The following CCDC7 variants were observed in gnomAD, a reference collection of about 807,000 sequenced individuals.
CCDC7 encodes coiled-coil domain containing 7.
CCDC7 carries 183 observed loss-of-function variants against 196.9 expected under a neutral mutation model. The ratio of observed to expected loss-of-function variants is 0.93; its 90% CI spans 0.82 to 1.05. The LOEUF is 1.05. Ranked by LOEUF, CCDC7 falls within the 50% of genes least tolerant of loss-of-function variation. The pLI is 0.00. For synonymous variants in CCDC7, 525 were observed against 484.6 expected, an observed-to-expected ratio of 1.08 and a Z score of -1.10; for missense variants, 1,540 against 1,482.2, an observed-to-expected ratio of 1.04 and a Z score of -0.64.
At chr10:32,640,898 A>G (rs1357613586) in intron 20 of CCDC7, among the ~76,000 whole-genome samples, 1 of 98,078 alleles carries the variant, frequency 1.0e-5, no homozygotes, top group African/African-American at 3.4e-5. Flanking sequence ...ATTATACTCT[A>G]AGTTTTAGGG....
At chr10:32,823,562 A>C (rs2090617074) in intron 31 of CCDC7, among the ~76,000 whole-genome samples, 1 of 152,180 alleles carries the variant, frequency 6.6e-6, no homozygotes, top group South Asian at 2.1e-4. Flanking sequence ...GGGCTCAGCC[A>C]ATTTTCCAAA....
intron 8 of CCDC7, among the ~76,000 whole-genome samples, chr10:32,482,708 C>A (rs188772816): frequency 1.0e-4 from 15 of 150,312 alleles, no homozygotes; most frequent in Admixed American, 2.7e-4. Context: ...TCCATGTGTT[C>A]TCATTGTTCA....
At chr10:32,461,737 A>ATATATATATATATATGTG in intron 3 of CCDC7, among the ~76,000 whole-genome samples, 1 of 69,488 alleles carries the variant, frequency 1.4e-5, no homozygotes, top group African/African-American at 5.9e-5. Flanking sequence ...ATATGTATAT[A>ATATATATATATATATGTG]TATATATATA....
intron 13 of CCDC7, among the ~76,000 whole-genome samples, chr10:32,562,197 T>G (rs2055827474): frequency 6.6e-6 from 1 of 152,140 alleles, no homozygotes; most frequent in Admixed American, 6.5e-5. Context: ...ACCAGATGGA[T>G]TCACAGCCGA....
intron 28 of CCDC7, among the ~76,000 whole-genome samples, chr10:32,752,782 T>C (rs1285516871): frequency 6.6e-6 from 1 of 152,182 alleles, no homozygotes; most frequent in Non-Finnish European, 1.5e-5. Context: ...AGTATTTCAA[T>C]GTCTAGATTT....
chr10:32,572,164 A>G (rs1335106416), intron 16 of CCDC7, among the ~76,000 whole-genome samples: 2 of 152,290 alleles, frequency 1.3e-5, no homozygotes, highest in East Asian at 1.9e-4. Context: ...AAATTTCCAG[A>G]TAGTGAGGAA....
At chr10:32,848,470 G>A in intron 38 of CCDC7, 126 bp from the exon 40 acceptor site, 1 of 655,346 alleles carries the variant, frequency 1.5e-6, no homozygotes, top group Non-Finnish European at 2.6e-6. Flanking sequence ...TAAACAAGTG[G>A]CCATTTAATA....
intron 18 of CCDC7, among the ~76,000 whole-genome samples, chr10:32,609,775 A>AT (rs1185523086): frequency 6.6e-6 from 1 of 152,102 alleles, no homozygotes; most frequent in Non-Finnish European, 1.5e-5. Context: ...AGATCTGGTT[A>AT]TTTAAAAGTG....
intron 28 of CCDC7, among the ~76,000 whole-genome samples, chr10:32,741,273 T>G (rs1043028217): frequency 1.3e-5 from 2 of 152,234 alleles, no homozygotes; most frequent in East Asian, 3.8e-4. Context: ...TTATTAAAAC[T>G]CAATCTCAAA....
intron 18 of CCDC7, among the ~76,000 whole-genome samples, chr10:32,590,223 T>C (rs911469839): frequency 1.3e-5 from 2 of 152,090 alleles, no homozygotes; most frequent in Admixed American, 1.3e-4. Flanking sequence ...TTTTTGTGTG[T>C]CCATTGTATA....
chr10:32,818,581 G>T (rs547282996), intron 31 of CCDC7, among the ~76,000 whole-genome samples: 2 of 152,216 alleles, frequency 1.3e-5, no homozygotes, highest in African/African-American at 2.4e-5. Flanking sequence ...TGACCACATA[G>T]TTGGAAGTAA....
intron 21 of CCDC7, among the ~76,000 whole-genome samples, chr10:32,669,115 TG>T (rs1470076750): frequency 5.3e-5 from 8 of 152,138 alleles, no homozygotes; most frequent in African/African-American, 1.9e-4. Flanking sequence ...TGAAATGATT[TG>T]GAATTTTACT....
intron 32 of CCDC7, among the ~76,000 whole-genome samples, chr10:32,828,447 GAA>G (rs2091521250): frequency 1.2e-5 from 1 of 81,572 alleles, no homozygotes; most frequent in Admixed American, 1.3e-4. Context: ...AGGAGAAGAA[GAA>G]GAAGAAGAAG....
At chr10:32,451,671 C>A in exon 1 of CCDC7, 1 of 1,610,638 alleles carries the variant, frequency 6.2e-7, no homozygotes, top group Non-Finnish European at 8.5e-7. Flanking sequence ...CTGTTGACCA[C>A]CAGTAACAAA....
chr10:32,647,532 AC>A (rs2067996843), intron 20 of CCDC7, among the ~76,000 whole-genome samples: 1 of 75,252 alleles, frequency 1.3e-5, no homozygotes. Context: ...AGCCATTCTG[AC>A]TGGTGTGAGA....
chr10:32,586,998 T>A (rs1461963689), intron 18 of CCDC7, among the ~76,000 whole-genome samples: 1 of 152,230 alleles, frequency 6.6e-6, no homozygotes, highest in Admixed American at 6.5e-5. Flanking sequence ...AAAGACGTTT[T>A]CTTTTATCCC....
At chr10:32,576,547 CTTTTTTTT>C (rs1292038601) in intron 16 of CCDC7, among the ~76,000 whole-genome samples, 1 of 116,874 alleles carries the variant, frequency 8.6e-6, no homozygotes, top group Non-Finnish European at 1.8e-5. Flanking sequence ...GCCTGTGTGT[CTTTTTTTT>C]TTTTTTTTTT....
At chr10:32,610,002 A>AT (rs368639214) in intron 18 of CCDC7, among the ~76,000 whole-genome samples, 27 of 146,540 alleles carry the variant, frequency 1.8e-4, no homozygotes, top group South Asian at 6.5e-4. Context: ...AGATAGCATG[A>AT]TTTTTTTTTG....
rs1412105974 is a variant in CCDC7 at position 32,728,688 on chromosome 10, A to G, written c.2669-199A>G. On this transcript the variant is annotated intron_variant, in intron 26 of 41. Transcript: ENST00000639629. ...CTCATGAATCCTGGAGACCAATATA[A>G]ACTTTATTTGATGCTTCAGAATATT... Among the ~76,000 whole-genome samples, 4 of 152,186 alleles carry G rather than the reference A, an allele frequency of 2.6e-5. No individual in the cohort carries two copies. The East Asian group carries it at 7.7e-4, about 29-fold the overall frequency.
Sources: gnomAD v4.1 joint callset for allele counts (sites outside exome capture counted in the v4.1 genomes callset) on GRCh38, gnomAD v4.1.1 for gene constraint, MANE v1.5 for transcripts, NCBI Gene and HGNC (gene_info 2026-07-23, HGNC 2026-07-21) for gene names.